The following HERC4 variants were observed in gnomAD, a reference collection of about 807,000 sequenced individuals.
The protein encoded by HERC4 is probable E3 ubiquitin-protein ligase HERC4.
In HERC4, 28 loss-of-function variants were observed where a neutral mutation model predicts 124.3. The observed-to-expected ratio is 0.23, with a 90% CI of 0.17 to 0.31. The LOEUF (loss-of-function observed/expected upper bound fraction) is 0.31, where lower values mean the gene tolerates loss of function less well. HERC4 is among the 10% of genes least tolerant of loss of function. The pLI is 1.00. For missense variants in HERC4, 713 were observed against 1,229.3 expected (o/e 0.58, Z 6.28); for synonymous variants, 407 against 421.5 (o/e 0.97, Z 0.42).
At chr10:67,995,973 C>A in intron 9 of HERC4, 2 of 296,386 alleles carry the variant, frequency 6.7e-6, no homozygotes, top group East Asian at 1.3e-4. Context: ...ACCTGTAATA[C>A]ATACTTTTGC....
At chr10:67,996,036 T>C in intron 9 of HERC4, 1 of 368,868 alleles carries the variant, frequency 2.7e-6, no homozygotes, top group Non-Finnish European at 5.3e-6. Context: ...CTGGGCACAG[T>C]AGCTCATACC....
chr10:67,937,614 C>A (rs1174933990), intron 21 of HERC4, among the ~76,000 whole-genome samples: 1 of 150,978 alleles, frequency 6.6e-6, no homozygotes, highest in Non-Finnish European at 1.5e-5. Context: ...TTTATGGTCA[C>A]CTTATTCTAA....
At chr10:67,973,033 GA>G (rs980696083) in intron 15 of HERC4, among the ~76,000 whole-genome samples, 3 of 152,020 alleles carry the variant, frequency 2.0e-5, no homozygotes, top group Non-Finnish European at 2.9e-5. Context: ...AATGATTCAT[GA>G]AAAAAGAATA....
Position 67,943,043 on chromosome 10 carries a change from T to G in HERC4, c.2338-1938A>C, listed in dbSNP as rs181542081. Among the ~76,000 whole-genome samples, 680 of 152,326 alleles carry G rather than the reference T, an allele frequency of 4.5e-3. 4 individuals are homozygous for G. Among genetic ancestry groups the G allele is most frequent in the African/African-American group, 0.015 (637 of 41,578 alleles). On this transcript the variant is annotated intron_variant, in intron 19 of 24. Transcript: ENST00000373700. ...CCACTTATCTTTTGGGGGATAATGT[T>G]TTTCTTAAGTATTTGTATTTGAATT...
chr10:68,037,854 CTTGAA>C (rs1476674787), intron 5 of HERC4, among the ~76,000 whole-genome samples: 2 of 152,036 alleles, frequency 1.3e-5, no homozygotes, highest in Non-Finnish European at 2.9e-5. Flanking sequence ...AAAGATTTTC[CTTGAA>C]TTGATTTATA....
intron 19 of HERC4, among the ~76,000 whole-genome samples, chr10:67,945,699 C>T (rs893499662): frequency 1.3e-5 from 2 of 151,952 alleles, no homozygotes; most frequent in African/African-American, 4.8e-5. Flanking sequence ...ACCAGGGGAA[C>T]ACAGTTAAAG....
At chr10:67,975,775 T>A (rs999745757) in intron 15 of HERC4, among the ~76,000 whole-genome samples, 1 of 152,246 alleles carries the variant, frequency 6.6e-6, no homozygotes, top group Non-Finnish European at 1.5e-5. Context: ...TCACAGTTGA[T>A]ACTTTTATCT....
At chr10:67,999,741 T>C (rs1474545236) in intron 9 of HERC4, among the ~76,000 whole-genome samples, 1 of 152,212 alleles carries the variant, frequency 6.6e-6, no homozygotes, top group Non-Finnish European at 1.5e-5. Context: ...TTAATTTTGA[T>C]TTTGTGCTCA....
chr10:68,014,037 A>T lies in HERC4; in HGVS notation c.1058T>A (p.Leu353Gln), dbSNP rs2038123090. ...ATGACAGAACTTACCAATATCTGGTAGACACTGCCCATTATAGGGGTACCA... is the reference window on the plus strand; with the variant it reads ...ATGACAGAACTTACCAATATCTGGTTGACACTGCCCATTATAGGGGTACCA... ...GNWYPYNGQC[L>Q]PDIDSEEYFC... Residue 353 changes from leucine (L) to glutamine (Q), a missense_variant, in exon 9 of 25, where the codon CTA becomes CAA. Leu to Gln is a moderately radical substitution (Grantham distance 113). Coordinates refer to ENST00000373700, the MANE Select transcript of HERC4 (RefSeq NM_015601.4). 5 of 1,604,336 alleles carry T rather than the reference A, an allele frequency of 3.1e-6. No homozygotes were observed. Among genetic ancestry groups the T allele is most frequent in the Non-Finnish European group, 4.2e-6 (5 of 1,176,898 alleles).
intron 7 of HERC4, among the ~76,000 whole-genome samples, chr10:68,027,177 T>C (rs1007761858): frequency 2.0e-5 from 3 of 152,264 alleles, no homozygotes; most frequent in Non-Finnish European, 4.4e-5. Flanking sequence ...CCTGCTTTCA[T>C]CATTTAATAG....
At chr10:68,010,622 C>G (rs1232341503) in intron 9 of HERC4, 4 of 1,400,580 alleles carry the variant, frequency 2.9e-6, no homozygotes, top group East Asian at 2.4e-5. Flanking sequence ...CTTTGCATAT[C>G]TCCTGAATAT....
In HERC4 at chr10:67,988,711, G is replaced by A. The variant is rs146594352; in HGVS notation, c.1758C>T (p.Phe586=). 1 of 1,597,934 alleles carries A rather than the reference G, an allele frequency of 6.3e-7. No homozygotes were observed. Among genetic ancestry groups the A allele is most frequent in the Non-Finnish European group, 8.5e-7 (1 of 1,173,540 alleles). The part of the protein sequence containing the change: ...IGIPPSERRI[F]NSFLHTALKV... ...TTAATGCAGTATGAAGAAAACTGTTGAAAATTCTTCTTTCAGAAGGGGGAA... is the reference window on the plus strand; with the variant it reads ...TTAATGCAGTATGAAGAAAACTGTTAAAAATTCTTCTTTCAGAAGGGGGAA... Residue 586 remains phenylalanine, a synonymous_variant, in exon 15 of 25, where the codon TTC becomes TTT. Transcript: ENST00000373700.
At position 67,922,047 on chromosome 10, in the gene HERC4, T is replaced by C. The variant is rs748330082; in HGVS notation, c.*884A>G. On this transcript the variant is annotated 3_prime_UTR_variant, in exon 25 of 25. Transcript: ENST00000373700. ...TTACAATTTAATGGCATGAGACAAC[T>C]AAGCATCAGCACCATAAAACTGTTA... The C allele has an allele frequency of 2.6e-5, 4 of 152,202 alleles. No individual in the cohort carries two copies. Among genetic ancestry groups the C allele is most frequent in the African/African-American group, 9.6e-5 (4 of 41,452 alleles). 9.4% of individuals were successfully genotyped at this position (152,202 alleles called of 1,614,324 possible).
chr10:68,053,769 G>A (rs2040424640), intron 3 of HERC4, among the ~76,000 whole-genome samples: 1 of 152,196 alleles, frequency 6.6e-6, no homozygotes, highest in African/African-American at 2.4e-5. Flanking sequence ...GTATTTGGCA[G>A]TTCTGTGAAT....
intron 9 of HERC4, among the ~76,000 whole-genome samples, chr10:68,003,204 T>A (rs941943009): frequency 1.3e-5 from 2 of 151,874 alleles, no homozygotes; most frequent in African/African-American, 4.8e-5. Context: ...TCACCTAGGC[T>A]CGAGTGCAGT....
intron 14 of HERC4, among the ~76,000 whole-genome samples, chr10:67,989,963 A>T (rs775189627): frequency 6.6e-6 from 1 of 152,040 alleles, no homozygotes; most frequent in Non-Finnish European, 1.5e-5. Flanking sequence ...ACAGTTTTTA[A>T]CTTTCCTAAT....
At chr10:68,009,227 T>TA (rs530909163) in intron 9 of HERC4, among the ~76,000 whole-genome samples, 18,662 of 143,950 alleles carry the variant, frequency 0.13, 1,243 homozygotes, top group Middle Eastern at 0.2. Context: ...TCTGTCTCAT[T>TA]AAAAAAAAAA....
At position 67,934,810 on chromosome 10, in the gene HERC4, A is replaced by T. The variant is rs967245650; in HGVS notation, c.2654+1343T>A. ...GACAGTTTTAGGGTCCCTTTGACTG[A>T]AAATTTTGAAATTTCATGTATCTTG... On this transcript the variant is annotated intron_variant, in intron 22 of 24. Transcript: ENST00000373700. Among the ~76,000 whole-genome samples the T allele has an allele frequency of 2.6e-5, 4 of 151,956 alleles. No individual in the cohort carries two copies. In the East Asian group the frequency reaches 5.8e-4, roughly 22 times the overall value.
chr10:67,993,891 T>C (rs1274564846), intron 9 of HERC4: 2 of 152,234 alleles, frequency 1.3e-5, no homozygotes, highest in Non-Finnish European at 2.9e-5. Flanking sequence ...TGACTAATTC[T>C]TCACCTTGTA....
Sources: allele counts gnomAD v4.1 joint callset (sites outside exome capture counted in the v4.1 genomes callset), GRCh38; gene constraint gnomAD v4.1.1; transcripts MANE v1.5; gene names NCBI Gene and HGNC (gene_info 2026-07-23, HGNC 2026-07-21).